Variants in AJAP1 observed in about 807,000 individuals in gnomAD.
AJAP1 encodes the protein adherens junction-associated protein 1.
Under a neutral mutation model 35.0 loss-of-function variants are expected in AJAP1, and 5 were observed. The observed-to-expected ratio is 0.14, with a 90% confidence interval of 0.07 to 0.30. The LOEUF (loss-of-function observed/expected upper bound fraction) is 0.30. Ranked by LOEUF, AJAP1 falls within the 10% of genes least tolerant of loss-of-function variation. The probability of loss-of-function intolerance (pLI) is 1.00; values close to 1 mark genes in which losing one functional copy is unlikely to be tolerated. For synonymous variants in AJAP1, 284 were observed against 249.3 expected (o/e 1.14, Z -1.31); for missense variants, 586 against 571.0 (o/e 1.03, Z -0.27).
intron 2 of AJAP1, among the ~76,000 whole-genome samples, chr1:4,728,435 A>C (rs1309698964): frequency 6.6e-6 from 1 of 152,136 alleles, no homozygotes. Flanking sequence ...AGCCAAATGC[A>C]CCTGCGTGTT....
rs1242073237 is a variant in AJAP1 at position 4,720,251 on chromosome 1, C to T, written c.829+7552C>T. Among the ~76,000 whole-genome samples, 3 of 152,298 alleles carry T rather than the reference C, an allele frequency of 2.0e-5. No homozygotes were observed. The highest frequency in any genetic ancestry group is 1.9e-4 in the East Asian group (1 of 5,182). ...AAGACAGGCTTCGGGTCCCCGCTTT[C>T]GATGTGGTTCAACATGGTTCAGTGA... On this transcript the variant is annotated intron_variant, in intron 2 of 5. Coordinates refer to ENST00000378191, the MANE Select transcript of AJAP1 (RefSeq NM_018836.4). The surrounding 1 kb of genome is among the most constrained non-coding windows in gnomAD (Gnocchi z 4.4).
chr1:4,787,557 C>A lies in AJAP1; in HGVS notation c.*5072C>A. 1 of 403,320 alleles carries A rather than the reference C, an allele frequency of 2.5e-6. No homozygotes were observed. Among genetic ancestry groups the A allele is most frequent in the South Asian group, 1.8e-5 (1 of 55,584 alleles). 25.0% of individuals were successfully genotyped at this position (403,320 alleles called of 1,614,324 possible). A position where few individuals can be genotyped will look rare whatever the true frequency, so the allele number is the denominator to read the frequency against. ...ATCGCAGTTGTTACGACGCCTGGTT[C>A]TCCACCAAATTCCTCTGTCATTCCA... On this transcript the variant is annotated 3_prime_UTR_variant, in exon 6 of 6. Coordinates refer to ENST00000378191, the MANE Select transcript of AJAP1 (RefSeq NM_018836.4).
At chr1:4,781,248 G>C (rs376878011) in intron 5 of AJAP1, among the ~76,000 whole-genome samples, 1 of 152,142 alleles carries the variant, frequency 6.6e-6, no homozygotes, top group Non-Finnish European at 1.5e-5. Context: ...GAATCACTGC[G>C]GTGGGCTCAG....
At chr1:4,741,006 G>C (rs987603026) in intron 2 of AJAP1, among the ~76,000 whole-genome samples, 5 of 151,998 alleles carry the variant, frequency 3.3e-5, no homozygotes, top group African/African-American at 1.2e-4. Flanking sequence ...GGAGCTGTCC[G>C]ACTCTGCAAC....
intron 1 of AJAP1, among the ~76,000 whole-genome samples, chr1:4,684,731 C>G (rs527552996): frequency 1.3e-5 from 2 of 152,162 alleles, no homozygotes; most frequent in Non-Finnish European, 2.9e-5. Context: ...GTATCACTGT[C>G]TGGGCGCTGC....
intron 2 of AJAP1, among the ~76,000 whole-genome samples, chr1:4,716,124 A>C (rs1640383781): frequency 6.6e-6 from 1 of 152,236 alleles, no homozygotes; most frequent in South Asian, 2.1e-4. Flanking sequence ...GCAGAGAGGA[A>C]ACGTGGCTGG....
chr1:4,725,330 T>C (rs1640629189), intron 2 of AJAP1, among the ~76,000 whole-genome samples: 2 of 152,060 alleles, frequency 1.3e-5, no homozygotes, highest in South Asian at 4.2e-4. Context: ...GTGAGTGGGG[T>C]GGGCCATCTG....
intron 2 of AJAP1, among the ~76,000 whole-genome samples, chr1:4,738,077 A>T (rs72638869): frequency 6.6e-6 from 1 of 152,320 alleles, no homozygotes; most frequent in Non-Finnish European, 1.5e-5. Context: ...CCTGGTACTG[A>T]GTACAAATTT....
intron 1 of AJAP1, among the ~76,000 whole-genome samples, chr1:4,670,713 CCA>C (rs1639231829): frequency 6.6e-6 from 1 of 152,202 alleles, no homozygotes; most frequent in Non-Finnish European, 1.5e-5. Context: ...TCATTGGTCT[CCA>C]GTTTCCTATC....
At position 4,773,405 on chromosome 1, in the gene AJAP1, C is replaced by T. The variant is rs141947786; in HGVS notation, c.1163+880C>T. Among the ~76,000 whole-genome samples the T allele has an allele frequency of 3.5e-4, 53 of 152,282 alleles. No individual in the cohort carries two copies. In the South Asian group the frequency reaches 6.8e-3, roughly 20 times the overall value. On this transcript the variant is annotated intron_variant, in intron 4 of 5. Transcript: ENST00000378191. ...AGGGGCCCTGGAGAGGGAGGACTGC[C>T]GGGGCTGCCACATCCATAGTTAATG...
intron 5 of AJAP1, among the ~76,000 whole-genome samples, chr1:4,781,205 C>T (rs1642056820): frequency 6.6e-6 from 1 of 152,190 alleles, no homozygotes; most frequent in African/African-American, 2.4e-5. Flanking sequence ...CAGGCATGTC[C>T]CACCTGGGGC....
chr1:4,668,381 G>T (rs566605266), intron 1 of AJAP1, among the ~76,000 whole-genome samples: 1 of 152,228 alleles, frequency 6.6e-6, no homozygotes, highest in African/African-American at 2.4e-5. Context: ...TCTGTGTGTT[G>T]TGAGGTTGTA....
intron 2 of AJAP1, among the ~76,000 whole-genome samples, chr1:4,753,469 T>C (rs1386345620): frequency 6.6e-6 from 1 of 152,238 alleles, no homozygotes; most frequent in East Asian, 1.9e-4. Context: ...ATGTAAATTA[T>C]TCATATACAT....
At chr1:4,712,824 A>T (rs1177596672) in intron 2 of AJAP1, 125 bp downstream of exon 2, 10 of 1,031,632 alleles carry the variant, frequency 9.7e-6, no homozygotes, top group Non-Finnish European at 1.4e-5. Flanking sequence ...TGCAGGCGTG[A>T]TGTGTCCATG....
At position 4,655,269 on chromosome 1, in the gene AJAP1, G is replaced by T. The variant is rs1638850794; in HGVS notation, c.-157G>T. The T allele has an allele frequency of 8.2e-6, 3 of 367,004 alleles. No homozygotes were observed. Among genetic ancestry groups the T allele is most frequent in the Non-Finnish European group, 7.9e-6 (2 of 253,870 alleles). 22.7% of individuals were successfully genotyped at this position (367,004 alleles called of 1,614,324 possible). A position where few individuals can be genotyped will look rare whatever the true frequency, so the allele number is the denominator to read the frequency against. ...CCGGCATGGAGCCCCGCGCGGCCGCGCTCTGACTCGCTGTGCGCCCCGCGG... is the reference window on the plus strand; with the variant it reads ...CCGGCATGGAGCCCCGCGCGGCCGCTCTCTGACTCGCTGTGCGCCCCGCGG... On this transcript the variant is annotated 5_prime_UTR_variant, in exon 1 of 6. Transcript: ENST00000378191. The surrounding 1 kb of genome is among the most constrained non-coding windows in gnomAD (Gnocchi z 6.9).
intron 1 of AJAP1, among the ~76,000 whole-genome samples, chr1:4,677,763 C>A (rs116280459): frequency 0.043 from 6,470 of 151,904 alleles, 180 homozygotes; most frequent in South Asian, 0.074. Context: ...AATCATGTGC[C>A]TATGTGTTGA....
intron 1 of AJAP1, among the ~76,000 whole-genome samples, chr1:4,709,101 C>T (rs542114247): frequency 5.3e-5 from 8 of 152,304 alleles, no homozygotes; most frequent in African/African-American, 1.7e-4. Context: ...GTTATGCCAG[C>T]GAGGCAGGCA....
intron 2 of AJAP1, among the ~76,000 whole-genome samples, chr1:4,715,743 C>T (rs1221607137): frequency 6.6e-6 from 1 of 152,138 alleles, no homozygotes; most frequent in African/African-American, 2.4e-5. Context: ...TGGATGAACA[C>T]TGAGCATAAA....
chr1:4,741,613 G>T (rs1641070954), intron 2 of AJAP1, among the ~76,000 whole-genome samples: 1 of 152,218 alleles, frequency 6.6e-6, no homozygotes, highest in South Asian at 2.1e-4. Context: ...AGAGGTGTCA[G>T]TATAAACTCA....
Sources: gnomAD v4.1 joint callset for allele counts (sites outside exome capture counted in the v4.1 genomes callset) on GRCh38, gnomAD v4.1.1 for gene constraint, Gnocchi (gnomAD v3.1) non-coding constraint, MANE v1.5 for transcripts, NCBI Gene and HGNC (gene_info 2026-07-23, HGNC 2026-07-21) for gene names.